SULT2B1: variants seen among roughly 807,000 people sequenced by gnomAD.
SULT2B1 encodes sulfotransferase 2B1.
A neutral mutation model predicts 33.2 loss-of-function variants in SULT2B1; 16 were observed. That is an observed-to-expected ratio of 0.48 (90% CI 0.33 to 0.73). The LOEUF (loss-of-function observed/expected upper bound fraction) is 0.73, where lower values mean the gene tolerates loss of function less well. Among genes scored for constraint, SULT2B1 ranks in the 30% least tolerant of loss-of-function variants. The pLI is 0.02. For missense variants in SULT2B1, 500 were observed against 506.0 expected, an observed-to-expected ratio of 0.99 and a Z score of 0.11; for synonymous variants, 186 against 200.5, an observed-to-expected ratio of 0.93 and a Z score of 0.61.
At chr19:48,559,761 GTTAC>G (rs1429233755) in intron 1 of SULT2B1, among the ~76,000 whole-genome samples, 1 of 152,106 alleles carries the variant, frequency 6.6e-6, no homozygotes, top group Non-Finnish European at 1.5e-5. Flanking sequence ...GGTGTGGCCA[GTTAC>G]TTACGTGGGG....
intron 1 of SULT2B1, among the ~76,000 whole-genome samples, chr19:48,569,186 C>T (rs1009922609): frequency 4.0e-5 from 6 of 150,708 alleles, no homozygotes. Context: ...ACTAAAAATA[C>T]AAAAAATTAG....
At chr19:48,558,679 C>CTTTTTCT (rs1973135855) in intron 1 of SULT2B1, among the ~76,000 whole-genome samples, 1 of 106,178 alleles carries the variant, frequency 9.4e-6, no homozygotes, top group African/African-American at 4.2e-5. Flanking sequence ...CTTTTCTTTT[C>CTTTTTCT]TTTTTTTTTT....
chr19:48,555,078 C>A (rs1470961541), intron 1 of SULT2B1, among the ~76,000 whole-genome samples: 1 of 151,952 alleles, frequency 6.6e-6, no homozygotes, highest in East Asian at 1.9e-4. Context: ...CGTGCCACTG[C>A]GCCCAGTTAA....
chr19:48,568,519 C>T (rs748927714), intron 1 of SULT2B1, among the ~76,000 whole-genome samples: 10 of 152,242 alleles, frequency 6.6e-5, no homozygotes, highest in East Asian at 1.9e-4. Flanking sequence ...CTCTGCGCCA[C>T]GGCCAAGGGT....
intron 1 of SULT2B1, among the ~76,000 whole-genome samples, chr19:48,555,549 C>CCTCTCTCTCTCTCTCTCTCTCT (rs142655043): frequency 7.4e-4 from 92 of 124,182 alleles, no homozygotes; most frequent in South Asian, 8.3e-4. Flanking sequence ...CCAGAGACAT[C>CCTCTCTCTCTCTCTCTCTCTCT]CTCTCTCTCT....
chr19:48,578,374 G>C (rs578093259), intron 2 of SULT2B1, among the ~76,000 whole-genome samples: 65 of 152,182 alleles, frequency 4.3e-4, no homozygotes, highest in African/African-American at 1.5e-3. Context: ...TTGAGCCTAG[G>C]CGTTCGAGAG....
rs113212465 is a variant in SULT2B1 at position 48,575,978 on chromosome 19, G to A, written c.109G>A (p.Val37Ile). 7.4e-6 allele frequency: 12 copies of A among 1,613,660 alleles called. No homozygotes were observed. The highest frequency in any genetic ancestry group is 6.7e-5 in the African/African-American group (5 of 74,858). The change falls in exon 2 of 7, where the codon GTC becomes ATC. Residue 37 changes from valine (V) to isoleucine (I), a missense_variant. Transcript: ENST00000201586. ...AGGTGAATACTTCCGGTACAAGGGCGTCCCCTTCCCCGTCGGCCTGTACTC... is the reference window on the plus strand; with the variant it reads ...AGGTGAATACTTCCGGTACAAGGGCATCCCCTTCCCCGTCGGCCTGTACTC... ...LPGEYFRYKG[V>I]PFPVGLYSLE...
chr19:48,559,348 T>TTTTG (rs1973145812), intron 1 of SULT2B1, among the ~76,000 whole-genome samples: 1 of 148,716 alleles, frequency 6.7e-6, no homozygotes, highest in South Asian at 2.2e-4. Context: ...TTGGTTTTGT[T>TTTTG]TTTTGTTTTG....
chr19:48,561,407 C>T (rs1320211655), intron 1 of SULT2B1, among the ~76,000 whole-genome samples: 3 of 151,180 alleles, frequency 2.0e-5, no homozygotes, highest in Non-Finnish European at 4.4e-5. Context: ...CCAGCCTGGG[C>T]AACAAGAGTG....
chr19:48,589,541 G>T (rs549867125), intron 3 of SULT2B1, among the ~76,000 whole-genome samples: 1 of 152,104 alleles, frequency 6.6e-6, no homozygotes, highest in African/African-American at 2.4e-5. Context: ...AGAGCAGAGA[G>T]GGGGGGCTGC....
At chr19:48,590,685 G>A (rs1973632402) in intron 3 of SULT2B1, among the ~76,000 whole-genome samples, 1 of 152,168 alleles carries the variant, frequency 6.6e-6, no homozygotes, top group Admixed American at 6.6e-5. Flanking sequence ...GCCTTTCTCT[G>A]GGCAGAAAGG....
intron 3 of SULT2B1, 145 bp from the exon 4 acceptor site, chr19:48,591,464 C>A: frequency 1.1e-6 from 1 of 924,156 alleles, no homozygotes; most frequent in Non-Finnish European, 1.5e-6. Flanking sequence ...CAGAGTCAGA[C>A]TCCATCGCAA....
intron 1 of SULT2B1, among the ~76,000 whole-genome samples, chr19:48,557,195 G>A (rs1239051822): frequency 1.3e-5 from 2 of 152,168 alleles, no homozygotes; most frequent in African/African-American, 4.8e-5. Flanking sequence ...TCAGCAAGAT[G>A]CATCGCTCAG....
At chr19:48,581,491 GAC>G (rs1332786516) in intron 2 of SULT2B1, among the ~76,000 whole-genome samples, 2 of 27,080 alleles carry the variant, frequency 7.4e-5, no homozygotes, top group African/African-American at 4.9e-4. Flanking sequence ...TTTTTTTTGA[GAC>G]AGAGTCTCGC....
At chr19:48,555,488 T>TTCTC (rs982985959) in intron 1 of SULT2B1, among the ~76,000 whole-genome samples, 215 of 144,338 alleles carry the variant, frequency 1.5e-3, no homozygotes, top group African/African-American at 5.1e-3. Flanking sequence ...CAGAGACATC[T>TTCTC]TCTCTCTCTC....
chr19:48,552,430 G>A lies in SULT2B1; in HGVS notation c.71+107G>A. ...TGGCCTCCAGCCACCCGCAGCCGCA[G>A]GCCTGGCCCAGACTTAGCTGGAGGG... On this transcript the variant is annotated intron_variant, in intron 1 of 6. Coordinates refer to ENST00000201586, the MANE Select transcript of SULT2B1 (RefSeq NM_177973.2). This position sits in a 1 kb window ranked among gnomAD's most constrained non-coding sequence, Gnocchi z 4.8. 2 of 1,251,816 alleles carry A rather than the reference G, an allele frequency of 1.6e-6. No homozygotes were observed. The highest frequency in any genetic ancestry group is 2.2e-6 in the Non-Finnish European group (2 of 890,678). The allele number at this position is 1,251,816 out of a possible 1,614,324, so 77.5% of individuals were successfully genotyped here. A position where few individuals can be genotyped will look rare whatever the true frequency, so the allele number is the denominator to read the frequency against.
At position 48,556,272 on chromosome 19, in the gene SULT2B1, A is replaced by G. The variant is rs11672291; in HGVS notation, c.71+3949A>G. Among the ~76,000 whole-genome samples, 1,079 of 152,274 alleles carry G rather than the reference A, an allele frequency of 7.1e-3. 9 individuals are homozygous for G. Among genetic ancestry groups the G allele is most frequent in the Non-Finnish European group, 9.8e-3 (665 of 68,034 alleles). Reference sequence around the variant, plus strand: ...CCCTGATCACGCTGGTCTAGCTTCAAATCTGCCCCGTGGCACCAAAATATT... The same window carrying G: ...CCCTGATCACGCTGGTCTAGCTTCAGATCTGCCCCGTGGCACCAAAATATT... On this transcript the variant is annotated intron_variant, in intron 1 of 6. Transcript: ENST00000201586.
chr19:48,581,515 G>A (rs1231204852), intron 2 of SULT2B1, among the ~76,000 whole-genome samples: 8 of 122,870 alleles, frequency 6.5e-5, no homozygotes, highest in Non-Finnish European at 1.3e-4. Flanking sequence ...CTGTCACCTA[G>A]GCTGGAGTGC....
Position 48,587,340 on chromosome 19 carries a change from G to T in SULT2B1, c.326G>T (p.Gly109Val). ...ERAPWCETIV[G>V]AFSLPDQYSP... ...GCACCCTGGTGTGAGACCATTGTGG[G>T]TGCCTTCAGCCTCCCGGACCAGTAC... Residue 109 changes from glycine to valine, a missense_variant, in exon 3 of 7, where the codon GGT (glycine) becomes GTT (valine). Coordinates refer to ENST00000201586, the MANE Select transcript of SULT2B1 (RefSeq NM_177973.2). 2 of 1,614,038 alleles carry T rather than the reference G, an allele frequency of 1.2e-6. No homozygotes were observed. Among genetic ancestry groups the T allele is most frequent in the South Asian group, 2.2e-5 (2 of 91,078 alleles).
Sources: allele counts gnomAD v4.1 joint callset (sites outside exome capture counted in the v4.1 genomes callset), GRCh38; gene constraint gnomAD v4.1.1; non-coding constraint Gnocchi (gnomAD v3.1); transcripts MANE v1.5; gene names NCBI Gene and HGNC (gene_info 2026-07-23, HGNC 2026-07-21).